Variants in PALLD observed in about 807,000 individuals in gnomAD.
PALLD encodes the protein palladin.
In PALLD, 61 loss-of-function variants were observed where a neutral mutation model predicts 123.5. That is an observed-to-expected ratio of 0.49 (90% CI 0.40 to 0.61). The LOEUF (loss-of-function observed/expected upper bound fraction) is 0.61. Among genes scored for constraint, PALLD ranks in the 20% least tolerant of loss-of-function variants. The pLI is 0.00. For synonymous variants in PALLD, 465 were observed against 496.4 expected (o/e 0.94, Z 0.84); for missense variants, 1,273 against 1,377.0 (o/e 0.92, Z 1.20).
At chr4:168,756,699 G>C (rs1167535486) in intron 10 of PALLD, among the ~76,000 whole-genome samples, 1 of 152,160 alleles carries the variant, frequency 6.6e-6, no homozygotes. Context: ...TAAGTTTGAG[G>C]TGTGTTTATA....
intron 10 of PALLD, among the ~76,000 whole-genome samples, chr4:168,773,350 C>T (rs556344501): frequency 2.6e-5 from 4 of 152,306 alleles, no homozygotes; most frequent in Non-Finnish European, 4.4e-5. Context: ...AGGTTTTCTT[C>T]GTGGCAAGCC....
rs1763597858 is a variant in PALLD at position 168,521,839 on chromosome 4, G to C, written c.908+9427G>C. Among the ~76,000 whole-genome samples, 3 of 152,058 alleles carry C rather than the reference G, an allele frequency of 2.0e-5. No individual in the cohort carries two copies. In the South Asian group the frequency reaches 6.2e-4, roughly 32 times the overall value. ...TCACAAAGGCTGCCAGGAAGTAGTG[G>C]GATACTTTCCCTTGGTCTCTGTATA... On this transcript the variant is annotated intron_variant, in intron 2 of 21. Coordinates refer to ENST00000505667, the MANE Select transcript of PALLD (RefSeq NM_001166108.2).
intron 10 of PALLD, among the ~76,000 whole-genome samples, chr4:168,738,319 T>C (rs77473599): frequency 0.023 from 3,469 of 152,282 alleles, 183 homozygotes; most frequent in Admixed American, 0.12. Context: ...AAGGAGCCTC[T>C]ATGGAAGACA....
At chr4:168,868,468 G>A (rs990447021) in intron 10 of PALLD, among the ~76,000 whole-genome samples, 2 of 152,178 alleles carry the variant, frequency 1.3e-5, no homozygotes, top group Admixed American at 6.5e-5. Flanking sequence ...TTGCTTGTAA[G>A]AATGCTTACT....
At chr4:168,781,085 AAAG>A (rs1735853565) in intron 10 of PALLD, among the ~76,000 whole-genome samples, 1 of 152,202 alleles carries the variant, frequency 6.6e-6, no homozygotes, top group Non-Finnish European at 1.5e-5. Context: ...TCCCTGAAAA[AAAG>A]AGCCACAGAT....
In PALLD at chr4:168,687,325, T is replaced by C. The variant is rs143429538; in HGVS notation, c.1335+1766T>C. 7.4e-4 allele frequency among the ~76,000 whole-genome samples: 113 copies of C among 152,336 alleles called. No individual in the cohort carries two copies. The East Asian group carries it at 0.018, about 24-fold the overall frequency. ...AGCTAGACTACTAAAAAAGAAGTTA[T>C]GTAAAACCCTGCCTAAAACCATGTC... On this transcript the variant is annotated intron_variant, in intron 6 of 21. Transcript: ENST00000505667.
At chr4:168,714,442 A>G (rs536998483) in intron 10 of PALLD, among the ~76,000 whole-genome samples, 49 of 152,354 alleles carry the variant, frequency 3.2e-4, no homozygotes, top group African/African-American at 1.1e-3. Flanking sequence ...TATTATTGAT[A>G]GAGAAATACT....
At chr4:168,686,294 G>A (rs5021496) in intron 6 of PALLD, among the ~76,000 whole-genome samples, 4,496 of 152,102 alleles carry the variant, frequency 0.03, 215 homozygotes, top group African/African-American at 0.1. Flanking sequence ...TGCCATGGTG[G>A]TTTGCTGCAC....
rs115998501 is a variant in PALLD at position 168,585,400 on chromosome 4, C to T, written c.908+72988C>T. The stretch of plus-strand genomic sequence containing the variant: ...CATTTCATAGATGAGGTGTAACTAA[C>T]AATGTAGCTTCAATTATACTGGCAG... On this transcript the variant is annotated intron_variant, in intron 2 of 21. Coordinates refer to ENST00000505667, the MANE Select transcript of PALLD (RefSeq NM_001166108.2). 6.0e-3 allele frequency among the ~76,000 whole-genome samples: 907 copies of T among 152,058 alleles called. 11 individuals carry two copies. Among genetic ancestry groups the T allele is most frequent in the African/African-American group, 0.021 (855 of 41,476 alleles).
chr4:168,520,464 G>A (rs922851985), intron 2 of PALLD, among the ~76,000 whole-genome samples: 8 of 152,008 alleles, frequency 5.3e-5, no homozygotes, highest in African/African-American at 1.9e-4. Context: ...CGCATTGAGA[G>A]GTTTTATCCT....
At chr4:168,910,197 A>G (rs1057092233) in intron 15 of PALLD, among the ~76,000 whole-genome samples, 15 of 150,874 alleles carry the variant, frequency 9.9e-5, no homozygotes, top group African/African-American at 3.4e-4. Flanking sequence ...TGACCTTTCC[A>G]GAGTAGTATG....
chr4:168,682,845 G>T (rs1781681140), intron 4 of PALLD, among the ~76,000 whole-genome samples, 153 bp from the exon 5 acceptor site: 1 of 151,778 alleles, frequency 6.6e-6, no homozygotes, highest in African/African-American at 2.4e-5. Context: ...TTCCCATTGT[G>T]GAAGCAATTA....
chr4:168,535,568 G>A (rs1178580302), intron 2 of PALLD, among the ~76,000 whole-genome samples: 1 of 152,150 alleles, frequency 6.6e-6, no homozygotes, highest in African/African-American at 2.4e-5. Context: ...GGGTGTATGC[G>A]TATACCACTT....
At chr4:168,709,513 A>C (rs1374068980) in intron 9 of PALLD, among the ~76,000 whole-genome samples, 8 of 410 alleles carry the variant, frequency 0.02, no homozygotes, top group Admixed American at 0.13. Flanking sequence ...CCATCAAGGA[A>C]GGAAGGAAGG....
chr4:168,624,797 A>G (rs1775080463), intron 2 of PALLD, among the ~76,000 whole-genome samples: 1 of 152,166 alleles, frequency 6.6e-6, no homozygotes, highest in African/African-American at 2.4e-5. Context: ...AATGAGAGAA[A>G]AGACCCCATT....
chr4:168,516,974 T>G (rs1261250448), intron 2 of PALLD, among the ~76,000 whole-genome samples: 2 of 152,070 alleles, frequency 1.3e-5, no homozygotes, highest in Non-Finnish European at 2.9e-5. Flanking sequence ...CATTCAGTGT[T>G]GGGTAGTTGG....
Position 168,523,625 on chromosome 4 carries a change from T to TA in PALLD, c.908+11215dup, listed in dbSNP as rs1763781856. ...ATAGTAATGAGAAGGTATTGATAAATAAGAGGATTTGTTCAAGGTCAGGGC... is the reference window on the plus strand; with the variant it reads ...ATAGTAATGAGAAGGTATTGATAAATAAAGAGGATTTGTTCAAGGTCAGGGC... On this transcript the variant is annotated intron_variant, in intron 2 of 21. Transcript: ENST00000505667. Among the ~76,000 whole-genome samples the TA allele has an allele frequency of 2.0e-5, 3 of 152,104 alleles. No individual in the cohort carries two copies. In the South Asian group the frequency reaches 6.2e-4, roughly 31 times the overall value.
At chr4:168,761,641 G>GTTTT (rs1230404942) in intron 10 of PALLD, among the ~76,000 whole-genome samples, 3 of 11,638 alleles carry the variant, frequency 2.6e-4, no homozygotes, top group South Asian at 3.9e-3. Flanking sequence ...TGTTGTTGTT[G>GTTTT]TTTGTTTTTT....
intron 1 of PALLD, among the ~76,000 whole-genome samples, chr4:168,508,875 T>C (rs1187354269): frequency 6.6e-6 from 1 of 152,086 alleles, no homozygotes. Context: ...GATCCTGGCT[T>C]CCCCTAAAGT....
Sources: gnomAD v4.1 joint callset for allele counts (sites outside exome capture counted in the v4.1 genomes callset) on GRCh38, gnomAD v4.1.1 for gene constraint, MANE v1.5 for transcripts, NCBI Gene and HGNC (gene_info 2026-07-23, HGNC 2026-07-21) for gene names.